The following EPB41L5 variants were observed in gnomAD, a reference collection of about 807,000 sequenced individuals.
EPB41L5 encodes the protein erythrocyte membrane protein band 4.1 like 5.
In EPB41L5, 55 loss-of-function variants were observed where a neutral mutation model predicts 106.6. The observed-to-expected ratio is 0.52, with a 90% CI of 0.42 to 0.65. EPB41L5 has a LOEUF of 0.65. Ranked by LOEUF, EPB41L5 falls within the 30% of genes least tolerant of loss-of-function variation. The pLI is 0.00. For missense variants in EPB41L5, 871 were observed against 882.1 expected, an observed-to-expected ratio of 0.99 and a Z score of 0.16; for synonymous variants, 297 against 306.7, an observed-to-expected ratio of 0.97 and a Z score of 0.33.
At chr2:120,018,139 A>AT (rs964221700) in intron 1 of EPB41L5, among the ~76,000 whole-genome samples, 23 of 148,938 alleles carry the variant, frequency 1.5e-4, no homozygotes, top group Non-Finnish European at 2.4e-4. Flanking sequence ...TTTTTTTTGT[A>AT]TTTTTTTTTA....
chr2:120,041,359 C>G (rs1679392692), intron 2 of EPB41L5, among the ~76,000 whole-genome samples: 1 of 152,052 alleles, frequency 6.6e-6, no homozygotes, highest in African/African-American at 2.4e-5. Flanking sequence ...TCTTGGAAAC[C>G]CTCGGTGATC....
intron 21 of EPB41L5, among the ~76,000 whole-genome samples, chr2:120,164,021 C>T (rs1401182465): frequency 2.2e-5 from 2 of 91,292 alleles, no homozygotes; most frequent in African/African-American, 4.2e-5. Context: ...CTTGCTCTGT[C>T]GCCCAGGCTG....
chr2:120,147,484 G>A (rs908806963), intron 20 of EPB41L5, among the ~76,000 whole-genome samples: 1 of 151,966 alleles, frequency 6.6e-6, no homozygotes, highest in African/African-American at 2.4e-5. Context: ...AATTAGCTGG[G>A]CATGGTGGCG....
At chr2:120,167,236 A>G (rs1303364097) in intron 22 of EPB41L5, among the ~76,000 whole-genome samples, 1 of 152,222 alleles carries the variant, frequency 6.6e-6, no homozygotes, top group East Asian at 1.9e-4. Context: ...TTTTTAGATA[A>G]GAGATTCTCA....
rs1684381759 is a variant in EPB41L5, at chr2:120,105,253, TTCTG to T, written c.1337+4443_1337+4446del. 4.1e-6 allele frequency: 4 copies of T among 982,022 alleles called. No homozygotes were observed. In the East Asian group the frequency reaches 3.4e-4, roughly 84 times the overall value. 60.8% of individuals were successfully genotyped at this position (982,022 alleles called of 1,614,324 possible). On this transcript the variant is annotated intron_variant, in intron 16 of 24. Coordinates refer to ENST00000263713, the MANE Select transcript of EPB41L5 (RefSeq NM_020909.4). Reference sequence around the variant, plus strand: ...GAAAACATGTTAAGGGAAGCATTTCTTCTGTCTTTTTTTAGTTTTCTTTTATATT... The same window carrying T: ...GAAAACATGTTAAGGGAAGCATTTCTTCTTTTTTTAGTTTTCTTTTATATT...
At chr2:120,051,804 C>T (rs563201152) in intron 3 of EPB41L5, among the ~76,000 whole-genome samples, 58 of 148,852 alleles carry the variant, frequency 3.9e-4, no homozygotes, top group African/African-American at 1.3e-3. Flanking sequence ...TGTTCTTATT[C>T]GGCCATCTTG....
intron 20 of EPB41L5, among the ~76,000 whole-genome samples, chr2:120,158,486 A>G (rs1686995896): frequency 6.6e-6 from 1 of 152,204 alleles, no homozygotes. Flanking sequence ...AAAGACAAAA[A>G]CCACATTATT....
rs142264527 is a variant in EPB41L5, at chr2:120,121,559, C to T, written c.1338-6129C>T. ...CCTTTTTTATGGCCGCATAGTATTC[C>T]ATGGTGTATATGTGCCACCTTTTCT... On this transcript the variant is annotated intron_variant, in intron 16 of 24. Coordinates refer to ENST00000263713, the MANE Select transcript of EPB41L5 (RefSeq NM_020909.4). Among the ~76,000 whole-genome samples the T allele has an allele frequency of 7.4e-3, 1,133 of 152,290 alleles. 15 individuals carry two copies. Among genetic ancestry groups the T allele is most frequent in the African/African-American group, 0.026 (1,078 of 41,544 alleles).
At chr2:120,128,901 G>T (rs769712598) in intron 17 of EPB41L5, among the ~76,000 whole-genome samples, 2 of 151,884 alleles carry the variant, frequency 1.3e-5, no homozygotes, top group African/African-American at 4.8e-5. Context: ...AATTTATTTC[G>T]AATAGTCCAG....
At chr2:120,144,600 C>T (rs916263041) in intron 19 of EPB41L5, among the ~76,000 whole-genome samples, 5 of 152,070 alleles carry the variant, frequency 3.3e-5, no homozygotes, top group Admixed American at 3.3e-4. Context: ...ATCTACTAAA[C>T]ATTTATGGAA....
At chr2:120,154,393 G>A (rs1032001075) in intron 20 of EPB41L5, among the ~76,000 whole-genome samples, 2 of 151,088 alleles carry the variant, frequency 1.3e-5, no homozygotes, top group African/African-American at 4.9e-5. Context: ...TCGAACTCCC[G>A]ACCTCAGGTA....
intron 1 of EPB41L5, 63 bp downstream of exon 1, chr2:120,013,273 C>T (rs1677256550): frequency 6.6e-6 from 1 of 152,072 alleles, no homozygotes; most frequent in Non-Finnish European, 1.5e-5. Flanking sequence ...CCGAGTGGAC[C>T]CTTCCTCGCC....
intron 10 of EPB41L5, among the ~76,000 whole-genome samples, chr2:120,085,941 G>A (rs959137362): frequency 1.3e-5 from 2 of 152,168 alleles, no homozygotes; most frequent in African/African-American, 4.8e-5. Flanking sequence ...AGACCAGGTG[G>A]CTCACTCCTG....
intron 20 of EPB41L5, among the ~76,000 whole-genome samples, chr2:120,155,312 T>C (rs1375803407): frequency 3.9e-5 from 6 of 152,192 alleles, no homozygotes; most frequent in African/African-American, 1.4e-4. Flanking sequence ...TTTCAGTGCT[T>C]TTAAATATGT....
At chr2:120,075,367 A>G in intron 5 of EPB41L5, 109 bp from the exon 6 acceptor site, 1 of 797,338 alleles carries the variant, frequency 1.3e-6, no homozygotes, top group Non-Finnish European at 2.1e-6. Context: ...TTTATACATT[A>G]ATACAAGTAA....
chr2:120,131,511 TTGA>T (rs1685686351), intron 17 of EPB41L5, 104 bp from the exon 18 acceptor site: 1 of 681,400 alleles, frequency 1.5e-6, no homozygotes, highest in African/African-American at 1.8e-5. Flanking sequence ...TTACTTTTAG[TTGA>T]TGATAACTGA....
chr2:120,030,412 A>C (rs901099936), intron 2 of EPB41L5, among the ~76,000 whole-genome samples: 3 of 152,256 alleles, frequency 2.0e-5, no homozygotes. Context: ...GAGATCACCC[A>C]GATCGGTAAT....
At chr2:120,096,910 A>C (rs981378209) in intron 14 of EPB41L5, among the ~76,000 whole-genome samples, 2 of 152,250 alleles carry the variant, frequency 1.3e-5, no homozygotes, top group Non-Finnish European at 2.9e-5. Context: ...GGGATATGGA[A>C]TATTAGAGCT....
rs78241639 is a variant in EPB41L5 at position 120,143,553 on chromosome 2, C to T, written c.1728+422C>T. ...TAGGGACTAGCTTCCATGAGAGATGCGGCAGCCTTGTTCTCAAAATCAGCT... is the reference window on the plus strand; with the variant it reads ...TAGGGACTAGCTTCCATGAGAGATGTGGCAGCCTTGTTCTCAAAATCAGCT... On this transcript the variant is annotated intron_variant, in intron 19 of 24. Coordinates refer to ENST00000263713, the MANE Select transcript of EPB41L5 (RefSeq NM_020909.4). Among the ~76,000 whole-genome samples, 299 of 152,184 alleles carry T rather than the reference C, an allele frequency of 2.0e-3. 4 individuals carry two copies. The East Asian group carries it at 0.023, about 12-fold the overall frequency.
Sources: gnomAD v4.1 joint callset for allele counts (sites outside exome capture counted in the v4.1 genomes callset) on GRCh38, gnomAD v4.1.1 for gene constraint, MANE v1.5 for transcripts, NCBI Gene and HGNC (gene_info 2026-07-23, HGNC 2026-07-21) for gene names.